ATP8B4: variants seen among roughly 807,000 people sequenced by gnomAD.
ATP8B4 encodes probable phospholipid-transporting ATPase IM.
Under a neutral mutation model 145.6 loss-of-function variants are expected in ATP8B4, and 133 were observed. The observed-to-expected ratio is 0.91, with a 90% CI of 0.79 to 1.05. The LOEUF (loss-of-function observed/expected upper bound fraction) is 1.05, where lower values mean the gene tolerates loss of function less well. Among genes scored for constraint, ATP8B4 ranks in the 50% least tolerant of loss-of-function variants. ATP8B4 has a pLI of 0.00. For missense variants in ATP8B4, 1,458 were observed against 1,425.2 expected (o/e 1.02, Z -0.37); for synonymous variants, 507 against 492.9 (o/e 1.03, Z -0.38).
chr15:50,168,129 CAAA>C (rs2044620257), intron 1 of ATP8B4, among the ~76,000 whole-genome samples: 1 of 152,000 alleles, frequency 6.6e-6, no homozygotes, highest in Non-Finnish European at 1.5e-5. Flanking sequence ...GAGAAGGAAA[CAAA>C]GAAGTAAAGG....
At position 49,920,287 on chromosome 15, in the gene ATP8B4, G is replaced by A. The variant is rs775878069; in HGVS notation, c.1882C>T (p.Arg628Ter). 2.3e-5 allele frequency: 37 copies of A among 1,613,942 alleles called. No homozygotes were observed. The highest frequency in any genetic ancestry group is 4.5e-5 in the East Asian group (2 of 44,902). The change falls in exon 18 of 28, where the codon CGA (arginine) becomes TGA (stop). Residue 628 changes from arginine to a stop codon, truncating the protein, a stop_gained. Coordinates refer to ENST00000284509, the MANE Select transcript of ATP8B4 (RefSeq NM_024837.4). LOFTEE classifies it high-confidence loss of function. ...ANAATEERDE[R>*]IAGLYEEIER... is the part of the protein sequence containing the mutation. The stretch of plus-strand genomic sequence containing the variant: ...ATTTCTTCATATAGCCCAGCTATTC[G>A]TTCATCCCTCTCTTCTGTGGCAGCA...
chr15:49,925,991 C>A (rs952545224), intron 16 of ATP8B4, among the ~76,000 whole-genome samples: 1 of 152,070 alleles, frequency 6.6e-6, no homozygotes, highest in Non-Finnish European at 1.5e-5. Context: ...AATCTTCTCC[C>A]AATGCTTTCC....
At chr15:49,933,553 C>T (rs1403768041) in intron 15 of ATP8B4, among the ~76,000 whole-genome samples, 1 of 152,044 alleles carries the variant, frequency 6.6e-6, no homozygotes, top group Non-Finnish European at 1.5e-5. Flanking sequence ...ATATCAAGGT[C>T]AATTTATCTC....
intron 2 of ATP8B4, among the ~76,000 whole-genome samples, chr15:50,086,132 A>AT (rs1389552257): frequency 9.7e-6 from 1 of 103,356 alleles, no homozygotes; most frequent in African/African-American, 4.1e-5. Flanking sequence ...ATTATATATA[A>AT]TAAAATAGAT....
At chr15:49,924,177 C>T (rs1390948459) in intron 16 of ATP8B4, among the ~76,000 whole-genome samples, 1 of 152,034 alleles carries the variant, frequency 6.6e-6, no homozygotes, top group Non-Finnish European at 1.5e-5. Flanking sequence ...CCTTCCTAGG[C>T]TACCCTCAAC....
chr15:49,996,875 T>C (rs2153555708), intron 8 of ATP8B4, 116 bp from the exon 9 acceptor site: 2 of 713,198 alleles, frequency 2.8e-6, no homozygotes, highest in East Asian at 5.5e-5. Flanking sequence ...TCCAAGAAAC[T>C]CTCCTTTGAA....
intron 2 of ATP8B4, among the ~76,000 whole-genome samples, chr15:50,093,307 C>T (rs1382578235): frequency 6.6e-6 from 1 of 151,838 alleles, no homozygotes; most frequent in African/African-American, 2.4e-5. Context: ...ACTGTACTGA[C>T]AATAATACAT....
At chr15:49,986,795 G>C (rs530682601) in intron 10 of ATP8B4, among the ~76,000 whole-genome samples, 1 of 152,168 alleles carries the variant, frequency 6.6e-6, no homozygotes, top group African/African-American at 2.4e-5. Context: ...GGGCCACCTC[G>C]GGCCTACAGA....
upstream of ATP8B4, among the ~76,000 whole-genome samples, chr15:50,121,888 C>T (rs987266565): frequency 2.6e-5 from 4 of 152,002 alleles, no homozygotes; most frequent in African/African-American, 9.7e-5. Flanking sequence ...ACAAAAATCT[C>T]GTGATCATAT....
chr15:49,961,860 G>A lies in ATP8B4; in HGVS notation c.1287+117C>T. ...ATATTAATCTATTTTTTAATGCTAT[G>A]CATTAAGTATCTCATCTGGTCTTGG... is the stretch of plus-strand genomic sequence containing the variant. On this transcript the variant is annotated intron_variant, in intron 14 of 27. Coordinates refer to ENST00000284509, the MANE Select transcript of ATP8B4 (RefSeq NM_024837.4). The A allele has an allele frequency of 7.5e-6, 6 of 802,550 alleles. No individual in the cohort carries two copies. The South Asian group carries it at 9.1e-5, about 12-fold the overall frequency. The allele number at this position is 802,550 out of a possible 1,614,324, so 49.7% of individuals were successfully genotyped here. A position where few individuals can be genotyped will look rare whatever the true frequency, so the allele number is the denominator to read the frequency against.
intron 16 of ATP8B4, among the ~76,000 whole-genome samples, chr15:49,924,563 C>T (rs118114271): frequency 0.035 from 5,274 of 152,198 alleles, 119 homozygotes; most frequent in South Asian, 0.084. Flanking sequence ...AAGAAAATGG[C>T]GTACAAAATT....
chr15:49,861,824 G>A (rs1432055906), intron 27 of ATP8B4, among the ~76,000 whole-genome samples: 1 of 152,052 alleles, frequency 6.6e-6, no homozygotes, highest in African/African-American at 2.4e-5. Context: ...ATCTGCTACT[G>A]GATTTCTACA....
chr15:50,100,894 TTAAC>T (rs1273173180), intron 2 of ATP8B4, among the ~76,000 whole-genome samples: 5 of 152,152 alleles, frequency 3.3e-5, no homozygotes, highest in African/African-American at 1.2e-4. Context: ...AAACTGTCAA[TTAAC>T]TAATTAATGT....
chr15:50,055,278 T>C (rs1178730683), intron 3 of ATP8B4, among the ~76,000 whole-genome samples: 1 of 152,180 alleles, frequency 6.6e-6, no homozygotes, highest in Non-Finnish European at 1.5e-5. Flanking sequence ...ACATGATCTG[T>C]CCATTCAACT....
At chr15:49,924,871 GA>G (rs1023972495) in intron 16 of ATP8B4, among the ~76,000 whole-genome samples, 13 of 152,140 alleles carry the variant, frequency 8.5e-5, no homozygotes. Context: ...ACCAGGGGGG[GA>G]AACTTAATCC....
intron 6 of ATP8B4, among the ~76,000 whole-genome samples, chr15:50,038,561 T>C (rs2051016788): frequency 1.3e-5 from 2 of 152,074 alleles, no homozygotes. Context: ...ACCAAAGGAA[T>C]CTGAAGTCAA....
chr15:50,055,606 C>T (rs28579120), intron 3 of ATP8B4, among the ~76,000 whole-genome samples: 27,031 of 152,070 alleles, frequency 0.18, 3,920 homozygotes, highest in African/African-American at 0.4. Flanking sequence ...AAAAAGTAAC[C>T]TTCCAGAGCT....
chr15:50,132,284 A>G (rs2044058419), intron 1 of ATP8B4, among the ~76,000 whole-genome samples: 1 of 152,222 alleles, frequency 6.6e-6, no homozygotes, highest in African/African-American at 2.4e-5. Context: ...TTATGGATCC[A>G]TAAAAAAGTG....
At chr15:49,917,312 C>T (rs533219113) in intron 19 of ATP8B4, 1 of 372,848 alleles carries the variant, frequency 2.7e-6, no homozygotes, top group African/African-American at 2.1e-5. Flanking sequence ...AAAACCTTTT[C>T]ATTCCCAAAT....
Sources: allele counts gnomAD v4.1 joint callset (sites outside exome capture counted in the v4.1 genomes callset), GRCh38; gene constraint gnomAD v4.1.1; transcripts MANE v1.5; gene names NCBI Gene and HGNC (gene_info 2026-07-23, HGNC 2026-07-21).